Variants in HHAT observed in about 807,000 individuals in gnomAD.
HHAT encodes the protein protein-cysteine N-palmitoyltransferase HHAT.
Under a neutral mutation model 70.8 loss-of-function variants are expected in HHAT, and 47 were observed. The ratio of observed to expected loss-of-function variants is 0.66; its 90% CI spans 0.53 to 0.85. The LOEUF (loss-of-function observed/expected upper bound fraction) is 0.85. Ranked by LOEUF, HHAT falls within the 40% of genes least tolerant of loss-of-function variation. The probability of loss-of-function intolerance (pLI) is 0.00; values close to 1 mark genes in which losing one functional copy is unlikely to be tolerated. For missense variants in HHAT, 609 were observed against 604.8 expected (o/e 1.01, Z -0.07); for synonymous variants, 228 against 247.6 (o/e 0.92, Z 0.74).
chr1:210,421,555 A>G (rs997697424), intron 7 of HHAT, among the ~76,000 whole-genome samples: 2 of 152,088 alleles, frequency 1.3e-5, no homozygotes, highest in Admixed American at 6.6e-5. Flanking sequence ...AAGCAATTCT[A>G]TGCCTCAGCC....
In HHAT at chr1:210,512,690, A is replaced by C. The variant is rs1045553183; in HGVS notation, c.1008-463A>C. 9.4e-5 allele frequency among the ~76,000 whole-genome samples: 13 copies of C among 137,916 alleles called. No homozygotes were observed. The East Asian group carries it at 1.3e-3, about 14-fold the overall frequency. 90.5% of individuals were successfully genotyped at this position (137,916 alleles called of 152,430 possible). A position where few individuals can be genotyped will look rare whatever the true frequency, so the allele number is the denominator to read the frequency against. ...TGTCTCAAAAAAAAAAAAAAAAAAA[A>C]CCCATATATATGTGTGTGTGTGTAT... On this transcript the variant is annotated intron_variant, in intron 8 of 11. Transcript: ENST00000261458.
intron 3 of HHAT, among the ~76,000 whole-genome samples, chr1:210,384,449 G>T (rs1046243873): frequency 6.6e-6 from 1 of 152,208 alleles, no homozygotes; most frequent in Non-Finnish European, 1.5e-5. Context: ...TTGGTCCCCA[G>T]GCTGGTAGTA....
At chr1:210,584,704 T>C (rs1573516302) in intron 9 of HHAT, among the ~76,000 whole-genome samples, 2 of 152,358 alleles carry the variant, frequency 1.3e-5, no homozygotes, top group South Asian at 2.1e-4. Context: ...ATGAGAGCCT[T>C]CGCCCTTCAG....
At chr1:210,586,145 A>G (rs1660397557) in intron 9 of HHAT, among the ~76,000 whole-genome samples, 2 of 152,102 alleles carry the variant, frequency 1.3e-5, no homozygotes, top group Non-Finnish European at 2.9e-5. Context: ...CTGCCTACCT[A>G]TACAGTTGTT....
At chr1:210,571,481 A>T (rs1449390353) in intron 9 of HHAT, among the ~76,000 whole-genome samples, 1 of 152,130 alleles carries the variant, frequency 6.6e-6, no homozygotes, top group East Asian at 1.9e-4. Flanking sequence ...ATTTGGACCC[A>T]GCTGCTTCTC....
intron 3 of HHAT, among the ~76,000 whole-genome samples, chr1:210,369,178 G>A (rs2089312455): frequency 6.6e-6 from 1 of 152,184 alleles, no homozygotes; most frequent in Non-Finnish European, 1.5e-5. Flanking sequence ...GGGGACTGCT[G>A]TTGAAAGGAG....
At chr1:210,520,052 A>G (rs1259906202) in intron 9 of HHAT, among the ~76,000 whole-genome samples, 12 of 150,270 alleles carry the variant, frequency 8.0e-5, no homozygotes, top group African/African-American at 2.4e-4. Flanking sequence ...GTCTCACTCT[A>G]TCACCCAGAC....
intron 8 of HHAT, among the ~76,000 whole-genome samples, chr1:210,493,706 C>A (rs1248987130): frequency 6.6e-6 from 1 of 151,978 alleles, no homozygotes. Flanking sequence ...AGACTGGGTG[C>A]GGAGGTTGCC....
At chr1:210,396,292 A>C (rs546971351) in intron 4 of HHAT, among the ~76,000 whole-genome samples, 109 of 152,312 alleles carry the variant, frequency 7.2e-4, no homozygotes, top group South Asian at 3.1e-3. Context: ...TGGGGCTGTC[A>C]TCCTGTGCTC....
At position 210,328,930 on chromosome 1, in the gene HHAT, G is replaced by A. The variant is rs2084734333; in HGVS notation, c.-218G>A. Reference sequence around the variant, plus strand: ...CACGGCGGCAGGGGCGTGCTCGGAGGACGCGCGCTGCGCTGCTCCTCCAAA... The same window carrying A: ...CACGGCGGCAGGGGCGTGCTCGGAGAACGCGCGCTGCGCTGCTCCTCCAAA... On this transcript the variant is annotated 5_prime_UTR_variant, in exon 1 of 12. Transcript: ENST00000261458. 1 of 1,058,158 alleles carries A rather than the reference G, an allele frequency of 9.5e-7. No homozygotes were observed. Among genetic ancestry groups the A allele is most frequent in the Non-Finnish European group, 1.2e-6 (1 of 822,910 alleles). 65.5% of individuals were successfully genotyped at this position (1,058,158 alleles called of 1,614,324 possible). A position where few individuals can be genotyped will look rare whatever the true frequency, so the allele number is the denominator to read the frequency against.
At chr1:210,502,575 A>T (rs1174699295) in intron 8 of HHAT, among the ~76,000 whole-genome samples, 1 of 152,164 alleles carries the variant, frequency 6.6e-6, no homozygotes. Context: ...TGAATCATGC[A>T]TTCATGCATT....
chr1:210,540,380 GA>G (rs1201328016), intron 9 of HHAT, among the ~76,000 whole-genome samples: 1 of 151,936 alleles, frequency 6.6e-6, no homozygotes, highest in Admixed American at 6.6e-5. Flanking sequence ...GAAAACTGGG[GA>G]AAAAATACCA....
intron 9 of HHAT, among the ~76,000 whole-genome samples, chr1:210,537,287 A>G (rs2095383063): frequency 6.6e-6 from 1 of 152,062 alleles, no homozygotes; most frequent in Admixed American, 6.6e-5. Context: ...GAAGTCCCTC[A>G]CCCTTCTTCT....
intron 7 of HHAT, among the ~76,000 whole-genome samples, chr1:210,426,871 A>G (rs577289249): frequency 6.6e-6 from 1 of 152,096 alleles, no homozygotes; most frequent in African/African-American, 2.4e-5. Context: ...TTAGGTAGGA[A>G]TCTCTCCTTC....
At chr1:210,400,701 G>A (rs1294659815) in intron 5 of HHAT, 39 bp downstream of exon 5, 5 of 1,577,024 alleles carry the variant, frequency 3.2e-6, no homozygotes, top group East Asian at 2.2e-5. Flanking sequence ...TCCAGAGAAG[G>A]CCCCTTTGGC....
chr1:210,499,908 A>G (rs769423933), intron 8 of HHAT, among the ~76,000 whole-genome samples: 28 of 152,256 alleles, frequency 1.8e-4, no homozygotes, highest in Admixed American at 9.8e-4. Flanking sequence ...AAAACTGAGA[A>G]AGGAAAGGAC....
intron 4 of HHAT, among the ~76,000 whole-genome samples, chr1:210,399,610 C>G (rs920427563): frequency 1.3e-5 from 2 of 152,236 alleles, no homozygotes; most frequent in African/African-American, 2.4e-5. Flanking sequence ...GAGACACCAG[C>G]ATTTGAATTT....
intron 10 of HHAT, among the ~76,000 whole-genome samples, chr1:210,594,053 T>A (rs1192240685): frequency 3.3e-5 from 5 of 152,194 alleles, no homozygotes. Flanking sequence ...TCAGTCTATG[T>A]GTCTTTATAG....
chr1:210,623,744 T>C, intron 11 of HHAT, 74 bp downstream of exon 11: 1 of 1,454,254 alleles, frequency 6.9e-7, no homozygotes, highest in Non-Finnish European at 9.5e-7. Flanking sequence ...ATACATGGGA[T>C]GGATGGGATT....
Sources: allele counts gnomAD v4.1 joint callset (sites outside exome capture counted in the v4.1 genomes callset), GRCh38; gene constraint gnomAD v4.1.1; transcripts MANE v1.5; gene names NCBI Gene and HGNC (gene_info 2026-07-23, HGNC 2026-07-21).